The following ANXA4 variants were observed in gnomAD, a reference collection of about 807,000 sequenced individuals.
ANXA4 encodes 35-beta calcimedin.
A neutral mutation model predicts 49.8 loss-of-function variants in ANXA4; 39 were observed. The ratio of observed to expected loss-of-function variants is 0.78; its 90% CI spans 0.61 to 1.02. The LOEUF (loss-of-function observed/expected upper bound fraction) is 1.02. Among genes scored for constraint, ANXA4 ranks in the 50% least tolerant of loss-of-function variants. The pLI is 0.00. For synonymous variants in ANXA4, 134 were observed against 152.5 expected, an observed-to-expected ratio of 0.88 and a Z score of 0.89; for missense variants, 360 against 410.1, an observed-to-expected ratio of 0.88 and a Z score of 1.05.
intron 2 of ANXA4, among the ~76,000 whole-genome samples, chr2:69,720,316 A>G (rs1669783772): frequency 6.6e-6 from 1 of 152,166 alleles, no homozygotes; most frequent in South Asian, 2.1e-4. Context: ...CTCTCGCTCC[A>G]TCAGTGCCTT....
intron 1 of ANXA4, among the ~76,000 whole-genome samples, chr2:69,650,933 T>G (rs1235366478): frequency 6.6e-6 from 1 of 152,254 alleles, no homozygotes; most frequent in African/African-American, 2.4e-5. Flanking sequence ...TATTTATTCA[T>G]CAGTTGTTTA....
chr2:69,800,674 T>A (rs570143121), intron 3 of ANXA4, among the ~76,000 whole-genome samples: 1 of 152,214 alleles, frequency 6.6e-6, no homozygotes, highest in Non-Finnish European at 1.5e-5. Flanking sequence ...ATTGAGTTTC[T>A]GTAAACAGAA....
intron 6 of ANXA4, chr2:69,809,963 C>T (rs1267926305): frequency 2.0e-5 from 3 of 152,588 alleles, no homozygotes; most frequent in African/African-American, 7.2e-5. Flanking sequence ...CTGTGGTTCC[C>T]TCTGTGTCAC....
chr2:69,787,584 G>GT lies in ANXA4; in HGVS notation c.10-467dup, dbSNP rs1672470745. 2.0e-5 allele frequency among the ~76,000 whole-genome samples: 3 copies of GT among 152,162 alleles called. No individual in the cohort carries two copies. The South Asian group carries it at 6.2e-4, about 32-fold the overall frequency. Reference sequence around the variant, plus strand: ...GAGAACAGGGTTCCACGTTGGTGTAGTTTGTCTTCCCCCCACTCCTTGCCC... The same window carrying GT: ...GAGAACAGGGTTCCACGTTGGTGTAGTTTTGTCTTCCCCCCACTCCTTGCCC... On this transcript the variant is annotated intron_variant, in intron 2 of 12. Transcript: ENST00000394295.
intron 2 of ANXA4, among the ~76,000 whole-genome samples, chr2:69,688,366 G>T (rs140851316): frequency 1.1e-3 from 171 of 152,246 alleles, no homozygotes; most frequent in Non-Finnish European, 2.0e-3. Flanking sequence ...GTTTTATAGG[G>T]ATTGCTTTTC....
chr2:69,769,723 G>A (rs1444414548), intron 1 of ANXA4, among the ~76,000 whole-genome samples: 2 of 152,168 alleles, frequency 1.3e-5, no homozygotes, highest in South Asian at 4.1e-4. Flanking sequence ...GAGTGCAGTG[G>A]CGTGATCTCG....
At chr2:69,688,334 A>C (rs1677861149) in intron 2 of ANXA4, among the ~76,000 whole-genome samples, 1 of 152,192 alleles carries the variant, frequency 6.6e-6, no homozygotes, top group Admixed American at 6.5e-5. Flanking sequence ...TCTCACTAGG[A>C]GAATAGTGGA....
At chr2:69,724,776 T>TAAGCTGGGGCAAGAAA (rs1423680962) in intron 3 of ANXA4, among the ~76,000 whole-genome samples, 9 of 82,204 alleles carry the variant, frequency 1.1e-4, no homozygotes, top group East Asian at 3.5e-4. Context: ...GCAAGAAAGA[T>TAAGCTGGGGCAAGAAA]GAACTCATTC....
intron 1 of ANXA4, among the ~76,000 whole-genome samples, chr2:69,759,957 C>T (rs200514453): frequency 3.9e-5 from 6 of 152,176 alleles, no homozygotes; most frequent in South Asian, 2.1e-4. Context: ...CTCAGCCTCC[C>T]GAGTAGCTGG....
chr2:69,676,607 A>G lies in ANXA4; in HGVS notation n.766+23325A>G, dbSNP rs1041249986. On this transcript the variant is annotated intron_variant and non_coding_transcript_variant, in intron 2 of 3. Transcript: ENST00000418066. ...TAAAATAAAGTATAAATTAAAAACC[A>G]TCTCTGGCCGGGCACAGTGGCGCAC... Among the ~76,000 whole-genome samples the G allele has an allele frequency of 3.3e-5, 5 of 152,304 alleles. No homozygotes were observed. The East Asian group carries it at 7.7e-4, about 23-fold the overall frequency.
chr2:69,784,043 T>G (rs1672312415), intron 2 of ANXA4, among the ~76,000 whole-genome samples: 1 of 152,194 alleles, frequency 6.6e-6, no homozygotes. Flanking sequence ...ATAACAATAT[T>G]TCATCAATTG....
intron 3 of ANXA4, among the ~76,000 whole-genome samples, chr2:69,789,978 T>A (rs1672609744): frequency 6.6e-6 from 1 of 152,302 alleles, no homozygotes; most frequent in East Asian, 1.9e-4. Flanking sequence ...TGGGGCCCAC[T>A]GTGTAAATGT....
At chr2:69,714,641 T>C (rs1678814635) in intron 2 of ANXA4, among the ~76,000 whole-genome samples, 1 of 152,174 alleles carries the variant, frequency 6.6e-6, no homozygotes, top group African/African-American at 2.4e-5. Flanking sequence ...AGGGCCTGCG[T>C]TGGGCCAGAT....
chr2:69,816,152 C>T lies in ANXA4; in HGVS notation c.586C>T (p.Leu196=). 1 of 1,614,168 alleles carries T rather than the reference C, an allele frequency of 6.2e-7. No individual in the cohort carries two copies. Among genetic ancestry groups the T allele is most frequent in the Non-Finnish European group, 8.5e-7 (1 of 1,180,010 alleles). ...KKWGTDEVKF[L]TVLCSRNRNH... Reference sequence around the variant, plus strand: ...ATGGGGGACAGATGAGGTGAAATTTCTAACTGTTCTCTGTTCCCGGAACCG... The same window carrying T: ...ATGGGGGACAGATGAGGTGAAATTTTTAACTGTTCTCTGTTCCCGGAACCG... Residue 196 remains leucine, a synonymous_variant, in exon 9 of 13, where the codon CTA becomes TTA. Transcript: ENST00000394295.
rs115274717 is a variant in ANXA4, at chr2:69,775,847, C to T, written c.-46-5673C>T. The stretch of plus-strand genomic sequence containing the variant: ...TCCCCAGCCCCCTGAAATAGGAACT[C>T]GTGGTTAATAAGCTTCTTGGGTCTT... On this transcript the variant is annotated intron_variant, in intron 1 of 12. Transcript: ENST00000394295. 6.4e-3 allele frequency among the ~76,000 whole-genome samples: 974 copies of T among 152,238 alleles called. 2 individuals carry two copies. Among genetic ancestry groups the T allele is most frequent in the Non-Finnish European group, 0.01 (709 of 68,020 alleles).
intron 2 of ANXA4, among the ~76,000 whole-genome samples, chr2:69,656,453 C>T (rs949378330): frequency 2.1e-5 from 3 of 145,404 alleles, no homozygotes; most frequent in African/African-American, 7.6e-5. Context: ...GATACTTGGT[C>T]ATAACCGCTG....
chr2:69,756,824 A>T (rs559724609), intron 1 of ANXA4, among the ~76,000 whole-genome samples: 2 of 152,084 alleles, frequency 1.3e-5, no homozygotes, highest in South Asian at 2.1e-4. Flanking sequence ...AAGCACCAAG[A>T]TCCTAAAAAT....
intron 3 of ANXA4, among the ~76,000 whole-genome samples, chr2:69,723,523 A>G (rs1022535372): frequency 6.6e-6 from 1 of 152,200 alleles, no homozygotes; most frequent in African/African-American, 2.4e-5. Flanking sequence ...TTCCTAGTCC[A>G]ATGTCTCCAA....
intron 1 of ANXA4, among the ~76,000 whole-genome samples, chr2:69,651,827 G>A (rs1222032311): frequency 0.11 from 4,944 of 45,288 alleles, 693 homozygotes; most frequent in East Asian, 0.47. Context: ...TGGGGGGGGG[G>A]GGCGGGGAGA....
Sources: gnomAD v4.1 joint callset for allele counts (sites outside exome capture counted in the v4.1 genomes callset) on GRCh38, gnomAD v4.1.1 for gene constraint, MANE v1.5 for transcripts, NCBI Gene and HGNC (gene_info 2026-07-23, HGNC 2026-07-21) for gene names.